The following LAMA2 variants were observed in gnomAD, a reference collection of about 807,000 sequenced individuals.
LAMA2 encodes laminin subunit alpha 2, also known as laminin subunit alpha-2.
LAMA2 carries 269 observed loss-of-function variants against 364.8 expected under a neutral mutation model. The observed-to-expected ratio is 0.74, with a 90% CI of 0.67 to 0.82. The LOEUF is 0.82. LAMA2 is among the 40% of genes least tolerant of loss of function. The probability of loss-of-function intolerance (pLI) is 0.00; values close to 1 mark genes in which losing one functional copy is unlikely to be tolerated. For missense variants in LAMA2, 3,807 were observed against 3,873.2 expected (o/e 0.98, Z 0.45); for synonymous variants, 1,379 against 1,370.6 (o/e 1.01, Z -0.14).
At chr6:129,238,241 A>G (rs1264897045) in intron 12 of LAMA2, among the ~76,000 whole-genome samples, 1 of 152,160 alleles carries the variant, frequency 6.6e-6, no homozygotes, top group Non-Finnish European at 1.5e-5. Context: ...TAATTCAAAA[A>G]TCTATTCTGA....
At chr6:129,046,932 C>T (rs1787554503) in intron 1 of LAMA2, among the ~76,000 whole-genome samples, 1 of 152,170 alleles carries the variant, frequency 6.6e-6, no homozygotes. Context: ...AGATCCTTTA[C>T]TGTCTGGCAT....
chr6:129,310,650 G>A (rs1005393110), intron 22 of LAMA2, among the ~76,000 whole-genome samples: 10 of 152,066 alleles, frequency 6.6e-5, no homozygotes, highest in Non-Finnish European at 1.3e-4. Flanking sequence ...CTGGTAAAAG[G>A]TGGTTGGTTA....
chr6:128,904,942 G>A (rs1000451536), intron 1 of LAMA2, among the ~76,000 whole-genome samples: 2 of 152,202 alleles, frequency 1.3e-5, no homozygotes, highest in African/African-American at 4.8e-5. Flanking sequence ...TCTTTTCCAA[G>A]ATGCATATGG....
chr6:129,243,048 G>A (rs1245725174), intron 12 of LAMA2, among the ~76,000 whole-genome samples: 5 of 152,028 alleles, frequency 3.3e-5, no homozygotes, highest in Non-Finnish European at 7.4e-5. Flanking sequence ...GAAAATAAAA[G>A]CTAATCCATT....
intron 40 of LAMA2, among the ~76,000 whole-genome samples, chr6:129,410,867 A>G (rs759498672): frequency 3.0e-4 from 45 of 152,208 alleles, no homozygotes; most frequent in Non-Finnish European, 1.6e-4. Flanking sequence ...TCCATGATAT[A>G]GTTCACTTTG....
rs115235438 is a variant in LAMA2 at position 129,137,331 on chromosome 6, T to A, written c.640-6570T>A. On this transcript the variant is annotated intron_variant, in intron 4 of 64. Transcript: ENST00000421865. ...TACATGCTGCATGAAAATGAGGACT[T>A]TCCAGTTCTGAGTAGAAGGAATATT... Among the ~76,000 whole-genome samples the A allele has an allele frequency of 6.3e-3, 966 of 152,156 alleles. 9 individuals are homozygous for A. Among genetic ancestry groups the A allele is most frequent in the African/African-American group, 0.022 (908 of 41,536 alleles).
intron 58 of LAMA2, among the ~76,000 whole-genome samples, chr6:129,499,177 T>TTATC (rs1236606336): frequency 5.3e-5 from 8 of 152,280 alleles, no homozygotes; most frequent in Middle Eastern, 3.4e-3. Flanking sequence ...ATTTTCCCCA[T>TTATC]TATCTATTTC....
At chr6:128,980,248 C>G (rs11962584) in intron 1 of LAMA2, among the ~76,000 whole-genome samples, 1 of 152,156 alleles carries the variant, frequency 6.6e-6, no homozygotes, top group Non-Finnish European at 1.5e-5. Flanking sequence ...CACACTAACA[C>G]TTGGTGTGCA....
At chr6:129,083,089 C>T (rs961322282) in intron 3 of LAMA2, among the ~76,000 whole-genome samples, 4 of 152,020 alleles carry the variant, frequency 2.6e-5, no homozygotes, top group Non-Finnish European at 4.4e-5. Flanking sequence ...CACACACACA[C>T]ACACACACAC....
intron 3 of LAMA2, among the ~76,000 whole-genome samples, chr6:129,070,461 T>C (rs1411356974): frequency 6.6e-6 from 1 of 152,114 alleles, no homozygotes; most frequent in Non-Finnish European, 1.5e-5. Context: ...CTCAATATAT[T>C]TTTAGCACTT....
intron 4 of LAMA2, among the ~76,000 whole-genome samples, chr6:129,106,876 A>ATG (rs1775861025): frequency 9.1e-6 from 1 of 109,574 alleles, no homozygotes; most frequent in Non-Finnish European, 1.8e-5. Context: ...AAAAAAAAAA[A>ATG]TATATATATA....
chr6:129,209,621 T>C (rs1782948831), intron 12 of LAMA2, among the ~76,000 whole-genome samples: 1 of 152,186 alleles, frequency 6.6e-6, no homozygotes. Context: ...TTAAATTAAC[T>C]CCTTTAAAAA....
At chr6:129,281,214 T>A (rs547590883) in intron 18 of LAMA2, among the ~76,000 whole-genome samples, 1 of 152,258 alleles carries the variant, frequency 6.6e-6, no homozygotes, top group East Asian at 1.9e-4. Flanking sequence ...TTTAATTGTG[T>A]GTGTGTGTCT....
At chr6:129,394,052 T>C (rs990561440) in intron 37 of LAMA2, among the ~76,000 whole-genome samples, 3 of 152,100 alleles carry the variant, frequency 2.0e-5, no homozygotes, top group African/African-American at 7.2e-5. Context: ...TTTTTTCTTC[T>C]TTTTTTTCCA....
chr6:129,042,131 C>T (rs1448459531), intron 1 of LAMA2, among the ~76,000 whole-genome samples: 1 of 151,826 alleles, frequency 6.6e-6, no homozygotes, highest in Non-Finnish European at 1.5e-5. Flanking sequence ...ATGGCAAAAC[C>T]CCGTCTCTAC....
intron 1 of LAMA2, among the ~76,000 whole-genome samples, chr6:128,965,933 G>T (rs1164361053): frequency 2.9e-5 from 4 of 139,924 alleles, no homozygotes. Flanking sequence ...TCTCTTTTCT[G>T]TTGAAATATA....
intron 40 of LAMA2, among the ~76,000 whole-genome samples, chr6:129,414,834 T>A (rs1780702950): frequency 6.6e-6 from 1 of 152,198 alleles, no homozygotes; most frequent in African/African-American, 2.4e-5. Context: ...AGCTCCAGGA[T>A]CAACAATTCC....
At chr6:128,994,940 T>C (rs1178856811) in intron 1 of LAMA2, among the ~76,000 whole-genome samples, 1 of 152,134 alleles carries the variant, frequency 6.6e-6, no homozygotes, top group African/African-American at 2.4e-5. Flanking sequence ...AGAAATCCCA[T>C]GATTCCCTAG....
chr6:129,480,038 G>A (rs180673221), intron 54 of LAMA2, among the ~76,000 whole-genome samples: 13 of 152,260 alleles, frequency 8.5e-5, no homozygotes, highest in Admixed American at 4.6e-4. Flanking sequence ...GCCTCTGCAC[G>A]TGGAAATTAT....
Sources: allele counts gnomAD v4.1 joint callset (sites outside exome capture counted in the v4.1 genomes callset), GRCh38; gene constraint gnomAD v4.1.1; transcripts MANE v1.5; gene names NCBI Gene and HGNC (gene_info 2026-07-23, HGNC 2026-07-21).